Variants in DISP1 observed in about 807,000 individuals in gnomAD.
The protein encoded by DISP1 is dispatched RND transporter family member 1.
A neutral mutation model predicts 37.3 loss-of-function variants in DISP1; 30 were observed. The ratio of observed to expected loss-of-function variants is 0.80; its 90% CI spans 0.60 to 1.09. DISP1 has a LOEUF of 1.09. Among genes scored for constraint, DISP1 ranks in the 50% least tolerant of loss-of-function variants. The pLI is 0.00. For synonymous variants in DISP1, 634 were observed against 690.2 expected (o/e 0.92, Z 1.28); for missense variants, 1,598 against 1,879.5 (o/e 0.85, Z 2.77).
chr1:222,948,146 A>G (rs1674931499), intron 3 of DISP1, among the ~76,000 whole-genome samples: 1 of 152,228 alleles, frequency 6.6e-6, no homozygotes, highest in South Asian at 2.1e-4. Context: ...GCTTCCAGAG[A>G]GGACTACAGA....
chr1:222,827,471 A>G (rs919908703), intron 1 of DISP1: 3 of 152,188 alleles, frequency 2.0e-5, no homozygotes, highest in African/African-American at 7.2e-5. Context: ...TTGACTTACT[A>G]AGCTTTTACT....
intron 1 of DISP1, chr1:222,815,295 T>A (rs1213944357): frequency 6.6e-6 from 1 of 152,398 alleles, no homozygotes; most frequent in East Asian, 1.9e-4. Flanking sequence ...CTTTAGGGAC[T>A]GAGGAGGGAG....
At chr1:222,875,364 T>C (rs1367899743) in intron 1 of DISP1, among the ~76,000 whole-genome samples, 1 of 152,140 alleles carries the variant, frequency 6.6e-6, no homozygotes, top group East Asian at 1.9e-4. Context: ...AGTTTTTATA[T>C]ACACTTGTGT....
intron 3 of DISP1, among the ~76,000 whole-genome samples, chr1:222,969,099 G>A (rs1282711696): frequency 6.6e-6 from 1 of 151,802 alleles, no homozygotes; most frequent in Non-Finnish European, 1.5e-5. Flanking sequence ...TGCTGGGCAC[G>A]GTGGCTCACG....
At chr1:222,984,403 C>CAAAAAAA (rs143486728) in intron 4 of DISP1, among the ~76,000 whole-genome samples, 5 of 30,010 alleles carry the variant, frequency 1.7e-4, no homozygotes, top group African/African-American at 5.4e-4. Flanking sequence ...GACTCTGTCT[C>CAAAAAAA]AAAAAAAAAA....
intron 1 of DISP1, among the ~76,000 whole-genome samples, chr1:222,830,805 T>A (rs1198235535): frequency 1.3e-5 from 2 of 152,260 alleles, no homozygotes; most frequent in Non-Finnish European, 2.9e-5. Context: ...GCCATTCATT[T>A]ATTTTATAAA....
intron 3 of DISP1, among the ~76,000 whole-genome samples, chr1:222,968,151 A>G (rs945306950): frequency 6.6e-6 from 1 of 152,200 alleles, no homozygotes; most frequent in Non-Finnish European, 1.5e-5. Context: ...TAAAACTTCC[A>G]TAAAGTCAAA....
intron 3 of DISP1, among the ~76,000 whole-genome samples, chr1:222,971,121 G>C (rs1379695402): frequency 6.6e-6 from 1 of 151,784 alleles, no homozygotes; most frequent in Non-Finnish European, 1.5e-5. Flanking sequence ...TTAGAGTTTT[G>C]CTTTGATCCT....
At chr1:222,921,081 G>A (rs746970018) in intron 1 of DISP1, among the ~76,000 whole-genome samples, 3 of 152,136 alleles carry the variant, frequency 2.0e-5, no homozygotes, top group African/African-American at 7.2e-5. Flanking sequence ...AGGCCAAGGC[G>A]GGCAGATCTC....
At chr1:222,871,776 T>C (rs1310175515) in intron 1 of DISP1, among the ~76,000 whole-genome samples, 1 of 152,188 alleles carries the variant, frequency 6.6e-6, no homozygotes, top group Non-Finnish European at 1.5e-5. Context: ...GAATGCCGTT[T>C]ATTTCCTTCT....
intron 3 of DISP1, among the ~76,000 whole-genome samples, chr1:222,963,674 C>T (rs1229138010): frequency 2.0e-5 from 3 of 151,946 alleles, no homozygotes; most frequent in African/African-American, 7.3e-5. Context: ...AACATAAAAC[C>T]AAACATCACA....
chr1:222,974,588 A>G (rs1010437675), intron 3 of DISP1, among the ~76,000 whole-genome samples: 2 of 152,190 alleles, frequency 1.3e-5, no homozygotes, highest in Non-Finnish European at 2.9e-5. Context: ...CAGTTTTAAC[A>G]GTTCTAGACA....
chr1:222,981,002 C>T (rs1199788770), intron 3 of DISP1, among the ~76,000 whole-genome samples: 1 of 152,194 alleles, frequency 6.6e-6, no homozygotes, highest in Non-Finnish European at 1.5e-5. Flanking sequence ...CGCTGGAACC[C>T]AAGAGGCAGA....
In DISP1 at chr1:222,913,584, G is replaced by T. The variant is rs531702690; in HGVS notation, c.-158-14846G>T. ...TAACTTTTTGTCTTTAAAAAAAGTTGCAAGGTACTAGCACTAAACATTCAG... is the reference window on the plus strand; with the variant it reads ...TAACTTTTTGTCTTTAAAAAAAGTTTCAAGGTACTAGCACTAAACATTCAG... On this transcript the variant is annotated intron_variant, in intron 1 of 8. Coordinates refer to ENST00000675850, the MANE Select transcript of DISP1 (RefSeq NM_001377229.1). Among the ~76,000 whole-genome samples, 6 of 151,970 alleles carry T rather than the reference G, an allele frequency of 3.9e-5. No individual in the cohort carries two copies. In the South Asian group the frequency reaches 1.2e-3, roughly 32 times the overall value.
chr1:222,907,516 G>A (rs1434971049), intron 1 of DISP1, among the ~76,000 whole-genome samples: 1 of 152,024 alleles, frequency 6.6e-6, no homozygotes, highest in Non-Finnish European at 1.5e-5. Flanking sequence ...GCCCTCCAGG[G>A]GATTCTGATA....
intron 1 of DISP1, among the ~76,000 whole-genome samples, chr1:222,876,435 G>T (rs1337848367): frequency 6.6e-6 from 1 of 152,098 alleles, no homozygotes; most frequent in Non-Finnish European, 1.5e-5. Flanking sequence ...TGAAATACAG[G>T]GGAGTCATTC....
chr1:223,002,844 A>G lies in DISP1; in HGVS notation c.1447A>G (p.Thr483Ala), dbSNP rs771148074. 6.2e-6 allele frequency: 10 copies of G among 1,613,858 alleles called. No homozygotes were observed. Among genetic ancestry groups the G allele is most frequent in the East Asian group, 2.2e-5 (1 of 44,884 alleles). ...ENWNSSDGVT[T>A]ITGIEFGIKH... is the part of the protein sequence containing the mutation. Reference sequence around the variant, plus strand: ...CTGGAACTCTTCTGACGGCGTGACTACCATCACCGGGATTGAGTTTGGTAT... The same window carrying G: ...CTGGAACTCTTCTGACGGCGTGACTGCCATCACCGGGATTGAGTTTGGTAT... Residue 483 changes from threonine (T) to alanine (A), a missense_variant, in exon 9 of 9, where the codon ACC becomes GCC. Thr to Ala is a moderately conservative substitution (Grantham distance 58, BLOSUM62 0). Transcript: ENST00000675850.
At chr1:222,815,970 A>G (rs1271283568) in intron 1 of DISP1, among the ~76,000 whole-genome samples, 1 of 151,988 alleles carries the variant, frequency 6.6e-6, no homozygotes, top group Admixed American at 6.6e-5. Context: ...TGTTGGGTTT[A>G]GTCTTTTAGT....
intron 3 of DISP1, among the ~76,000 whole-genome samples, chr1:222,979,422 A>G (rs1234267948): frequency 1.4e-5 from 2 of 146,424 alleles, no homozygotes; most frequent in East Asian, 3.9e-4. Flanking sequence ...AAAAATTTAA[A>G]TTTAAAAATT....
Sources: allele counts gnomAD v4.1 joint callset (sites outside exome capture counted in the v4.1 genomes callset), GRCh38; gene constraint gnomAD v4.1.1; transcripts MANE v1.5; gene names NCBI Gene and HGNC (gene_info 2026-07-23, HGNC 2026-07-21).